Variants in ZNF462 observed in about 807,000 individuals in gnomAD.
ZNF462 encodes the protein zinc finger protein 462, also known as zinc finger PBX1-interacting protein.
In ZNF462, 10 loss-of-function variants were observed where a neutral mutation model predicts 201.9. The observed-to-expected ratio is 0.05, with a 90% CI of 0.03 to 0.08. The LOEUF is 0.08. ZNF462 is among the 10% of genes least tolerant of loss of function. The pLI, the probability that ZNF462 is intolerant of heterozygous loss-of-function variation, is 1.00. For missense variants in ZNF462, 2,523 were observed against 3,168.3 expected (o/e 0.80, Z 4.89); for synonymous variants, 1,227 against 1,193.3 (o/e 1.03, Z -0.58).
intron 10 of ZNF462, among the ~76,000 whole-genome samples, chr9:106,987,859 C>A (rs1426573433): frequency 6.6e-6 from 1 of 152,128 alleles, no homozygotes; most frequent in Non-Finnish European, 1.5e-5. Context: ...AGATGAGGAT[C>A]CAGTTTCATT....
Position 107,012,140 on chromosome 9 carries a change from A to T in ZNF462, c.*1110A>T, listed in dbSNP as rs1189680954. On this transcript the variant is annotated 3_prime_UTR_variant, in exon 13 of 13. Coordinates refer to ENST00000277225, the MANE Select transcript of ZNF462 (RefSeq NM_021224.6). ...TTTTTTTTTTTTTTTAATTTAACTA[A>T]AGAACCAAACTTTCGGCACAGCTAT... The T allele has an allele frequency of 6.8e-6, 1 of 147,568 alleles. No homozygotes were observed. Among genetic ancestry groups the T allele is most frequent in the Non-Finnish European group, 1.5e-5 (1 of 67,262 alleles). The allele number at this position is 147,568 out of a possible 1,614,324, so 9.1% of individuals were successfully genotyped here. A position where few individuals can be genotyped will look rare whatever the true frequency, so the allele number is the denominator to read the frequency against.
chr9:106,979,998 A>G (rs1827300819), intron 9 of ZNF462, among the ~76,000 whole-genome samples: 1 of 152,152 alleles, frequency 6.6e-6, no homozygotes, highest in South Asian at 2.1e-4. Flanking sequence ...CCCCTAATTT[A>G]TCTGATCAGT....
upstream of ZNF462, among the ~76,000 whole-genome samples, chr9:106,860,924 C>T (rs1827048657): frequency 6.6e-6 from 1 of 151,872 alleles, no homozygotes; most frequent in Non-Finnish European, 1.5e-5. The surrounding 1 kb of genome is among the most constrained non-coding windows in gnomAD (Gnocchi z 7.1). Flanking sequence ...GCCTCAGCGT[C>T]CTCCTCCTCT....
In ZNF462 at chr9:106,903,513, C is replaced by T. The variant is rs557041095; in HGVS notation, c.-30-19841C>T. ...TCCTATCTTGATGACCTGTCTAGTA[C>T]TGTCAGTGTAATATTGAAGCCCCCA... On this transcript the variant is annotated intron_variant, in intron 1 of 12. Transcript: ENST00000277225. Among the ~76,000 whole-genome samples, 4 of 152,222 alleles carry T rather than the reference C, an allele frequency of 2.6e-5. 1 individual carries two copies. In the South Asian group the frequency reaches 8.3e-4, roughly 32 times the overall value.
Position 106,929,368 on chromosome 9 carries a change from C to G in ZNF462, c.5456C>G (p.Thr1819Arg), listed in dbSNP as rs779356446. Residue 1819 changes from threonine to arginine, a missense_variant, in exon 3 of 13, where the codon ACA becomes AGA. By Grantham distance (71) the Thr-to-Arg change is moderately conservative. Coordinates refer to ENST00000277225, the MANE Select transcript of ZNF462 (RefSeq NM_021224.6). This position sits in a 1 kb window ranked among gnomAD's most constrained non-coding sequence, Gnocchi z 8.7. ...TATGCAGATGAGCATGAGAAGCCCA[C>G]ACTGATGGAAGAAGAGGAGAGAGGC... ...AVYADEHEKP[T>R]LMEEEERGNF... The G allele has an allele frequency of 6.2e-7, 1 of 1,614,104 alleles. No individual in the cohort carries two copies. Among genetic ancestry groups the G allele is most frequent in the African/African-American group, 1.3e-5 (1 of 75,024 alleles).
At chr9:106,988,265 A>G (rs1236240535) in intron 10 of ZNF462, among the ~76,000 whole-genome samples, 2 of 151,958 alleles carry the variant, frequency 1.3e-5, no homozygotes, top group African/African-American at 4.8e-5. Flanking sequence ...GCAACAGGCA[A>G]AAAGAGAAGG....
chr9:106,969,100 C>T (rs1345165677), intron 7 of ZNF462, among the ~76,000 whole-genome samples: 4 of 152,116 alleles, frequency 2.6e-5, no homozygotes, highest in South Asian at 4.1e-4. Context: ...AGAATGTTGG[C>T]AGCAGAAAGG....
chr9:106,901,358 C>G (rs868809085), intron 1 of ZNF462, among the ~76,000 whole-genome samples: 2 of 152,198 alleles, frequency 1.3e-5, no homozygotes, highest in East Asian at 3.9e-4. Flanking sequence ...TGTGATGCCT[C>G]TAGATTTGTT....
At position 106,924,784 on chromosome 9, in the gene ZNF462, A is replaced by G. The variant is rs960817963; in HGVS notation, c.872A>G (p.Lys291Arg). The change falls in exon 3 of 13, where the codon AAG (lysine) becomes AGG (arginine). Residue 291 changes from lysine (K) to arginine (R), a missense_variant. Around this residue, in one of 15 missense-constraint regions of ZNF462, gnomAD observed 480 missense variants for 544.4 expected, o/e 0.88. Coordinates refer to ENST00000277225, the MANE Select transcript of ZNF462 (RefSeq NM_021224.6). This position sits in a 1 kb window ranked among gnomAD's most constrained non-coding sequence, Gnocchi z 6.2. ...EGTNLPDVPN[K>R]SAPSPTSNST... ...ACTAATCTACCTGATGTGCCGAACA[A>G]GAGTGCCCCCAGCCCCACTTCCAAC... is the stretch of plus-strand genomic sequence containing the variant. 4 of 1,614,042 alleles carry G rather than the reference A, an allele frequency of 2.5e-6. No homozygotes were observed. Among genetic ancestry groups the G allele is most frequent in the Non-Finnish European group, 3.4e-6 (4 of 1,180,032 alleles).
intron 1 of ZNF462, among the ~76,000 whole-genome samples, chr9:106,875,423 G>T (rs1465125380): frequency 6.6e-6 from 1 of 152,166 alleles, no homozygotes; most frequent in Non-Finnish European, 1.5e-5. Flanking sequence ...GATTGAATAT[G>T]ATTCATTTGA....
intron 1 of ZNF462, among the ~76,000 whole-genome samples, chr9:106,903,546 T>A (rs944853371): frequency 1.3e-5 from 2 of 152,172 alleles, no homozygotes; most frequent in Non-Finnish European, 2.9e-5. Context: ...CCACTATTAT[T>A]GTGTTGTTAT....
chr9:106,925,998 A>G lies in ZNF462; in HGVS notation c.2086A>G (p.Ile696Val). The G allele has an allele frequency of 6.2e-7, 1 of 1,614,224 alleles. No homozygotes were observed. The highest frequency in any genetic ancestry group is 1.1e-5 in the South Asian group (1 of 91,086). Residue 696 changes from isoleucine to valine, a missense_variant, in exon 3 of 13, where the codon ATT becomes GTT. Ile to Val is a conservative substitution (Grantham distance 29). Around this residue, in one of 15 missense-constraint regions of ZNF462, gnomAD observed 383 missense variants for 453.4 expected, o/e 0.84. Coordinates refer to ENST00000277225, the MANE Select transcript of ZNF462 (RefSeq NM_021224.6). This position sits in a 1 kb window ranked among gnomAD's most constrained non-coding sequence, Gnocchi z 7.9. Reference sequence around the variant, plus strand: ...GTCACCCGTGAAGAAGAGAACCAGGATTGACGAGATAGCAAGCAACCTTCA... The same window carrying G: ...GTCACCCGTGAAGAAGAGAACCAGGGTTGACGAGATAGCAAGCAACCTTCA... ...DLSPVKKRTRIDEIASNLQSK... is the reference protein window; with the variant it reads ...DLSPVKKRTRVDEIASNLQSK...
In ZNF462 at chr9:106,929,037, C is replaced by T. The variant is rs144274319; in HGVS notation, c.5125C>T (p.Arg1709Cys). ...CCTGTGTGCCTACACCAACCCCATC[C>T]GCAAAGGTCTGGCAGCCCACTACCA... is the stretch of plus-strand genomic sequence containing the variant. ...CALCAYTNPI[R>C]KGLAAHYQKR... Residue 1709 changes from arginine to cysteine, a missense_variant, in exon 3 of 13, where the codon CGC becomes TGC. Arg to Cys is a radical substitution (Grantham distance 180). Around this residue, in one of 15 missense-constraint regions of ZNF462, gnomAD observed 17 missense variants for 57.6 expected, o/e 0.29. Transcript: ENST00000277225. This position sits in a 1 kb window ranked among gnomAD's most constrained non-coding sequence, Gnocchi z 8.7. The T allele has an allele frequency of 1.9e-6, 3 of 1,613,964 alleles. No homozygotes were observed. Among genetic ancestry groups the T allele is most frequent in the Non-Finnish European group, 2.5e-6 (3 of 1,179,996 alleles).
intron 7 of ZNF462, among the ~76,000 whole-genome samples, chr9:106,947,598 A>G (rs376128556): frequency 1.1e-4 from 16 of 152,202 alleles, no homozygotes; most frequent in Non-Finnish European, 1.6e-4. Flanking sequence ...AATTCTACCA[A>G]TTGCCTTAAA....
intron 9 of ZNF462, chr9:106,976,587 T>G (rs1272985328): frequency 6.6e-6 from 1 of 152,198 alleles, no homozygotes; most frequent in African/African-American, 2.4e-5. Context: ...CACTGGTTAT[T>G]TGTGGTCTCT....
chr9:106,898,720 T>C (rs1828920733), intron 1 of ZNF462, among the ~76,000 whole-genome samples: 1 of 152,054 alleles, frequency 6.6e-6, no homozygotes, highest in Non-Finnish European at 1.5e-5. Context: ...AAGGGAGTTA[T>C]TTGGAGGAAG....
intron 1 of ZNF462, among the ~76,000 whole-genome samples, chr9:106,891,663 G>A (rs527947772): frequency 1.3e-5 from 2 of 152,204 alleles, no homozygotes; most frequent in East Asian, 1.9e-4. Context: ...ACATCTGAAC[G>A]TGAAATCACT....
chr9:106,892,937 C>G (rs1828651929), intron 1 of ZNF462, among the ~76,000 whole-genome samples: 1 of 152,128 alleles, frequency 6.6e-6, no homozygotes, highest in African/African-American at 2.4e-5. Flanking sequence ...AGGTCTGGAT[C>G]TCCAGTTACT....
intron 1 of ZNF462, among the ~76,000 whole-genome samples, chr9:106,911,223 C>T (rs927273286): frequency 6.6e-5 from 10 of 152,190 alleles, no homozygotes; most frequent in African/African-American, 2.4e-4. Flanking sequence ...GGTTCTGCAA[C>T]TTAGTATTTT....
Sources: gnomAD v4.1 joint callset for allele counts (sites outside exome capture counted in the v4.1 genomes callset) on GRCh38, gnomAD v4.1.1 for gene constraint, gnomAD v4.1.1 regional missense constraint, Gnocchi (gnomAD v3.1) non-coding constraint, MANE v1.5 for transcripts, NCBI Gene and HGNC (gene_info 2026-07-23, HGNC 2026-07-21) for gene names.